NRXN1: variants seen among roughly 807,000 people sequenced by gnomAD.
NRXN1 encodes the protein neurexin 1.
Under a neutral mutation model 150.9 loss-of-function variants are expected in NRXN1, and 39 were observed. That is an observed-to-expected ratio of 0.26 (90% CI 0.20 to 0.34). NRXN1 has a LOEUF of 0.34. Among genes scored for constraint, NRXN1 ranks in the 10% least tolerant of loss-of-function variants. NRXN1 has a pLI of 1.00. For synonymous variants in NRXN1, 924 were observed against 757.0 expected (o/e 1.22, Z -3.62); for missense variants, 1,815 against 1,949.9 (o/e 0.93, Z 1.30).
At chr2:50,531,471 T>A in intron 10 of NRXN1, 41 bp from the exon 11 acceptor site, 3 of 1,463,592 alleles carry the variant, frequency 2.0e-6, no homozygotes, top group Non-Finnish European at 2.8e-6. Context: ...TTGGATGGTA[T>A]AGCGCATTAA....
intron 5 of NRXN1, among the ~76,000 whole-genome samples, chr2:50,803,163 C>T (rs1707848452): frequency 6.6e-6 from 1 of 152,152 alleles, no homozygotes; most frequent in Non-Finnish European, 1.5e-5. Context: ...ATCTGCCTAG[C>T]ACTCATTTCT....
At chr2:50,678,275 C>A (rs1166332612) in intron 5 of NRXN1, among the ~76,000 whole-genome samples, 1 of 152,148 alleles carries the variant, frequency 6.6e-6, no homozygotes, top group East Asian at 1.9e-4. Context: ...AACACGAATA[C>A]ACAAGGCTGT....
At chr2:50,290,680 G>GT (rs2072806281) in intron 17 of NRXN1, among the ~76,000 whole-genome samples, 1 of 152,186 alleles carries the variant, frequency 6.6e-6, no homozygotes, top group Admixed American at 6.6e-5. Flanking sequence ...GGAGGGGGCT[G>GT]TTCTGTGGGT....
chr2:50,953,262 A>G (rs2104609498), intron 2 of NRXN1, among the ~76,000 whole-genome samples: 1 of 152,344 alleles, frequency 6.6e-6, no homozygotes, highest in Admixed American at 6.5e-5. Context: ...TCTGAGTCAC[A>G]CTTTCCTAAC....
intron 5 of NRXN1, among the ~76,000 whole-genome samples, chr2:50,672,752 T>C (rs548781768): frequency 6.6e-6 from 1 of 152,170 alleles, no homozygotes; most frequent in Admixed American, 6.6e-5. Context: ...TAAAGAAAAC[T>C]GATTATTTTG....
At chr2:50,182,677 C>T (rs937143346) in intron 18 of NRXN1, among the ~76,000 whole-genome samples, 2 of 151,960 alleles carry the variant, frequency 1.3e-5, no homozygotes, top group Non-Finnish European at 2.9e-5. Flanking sequence ...CCATCCTCTA[C>T]AATGCTGGAA....
chr2:50,789,488 A>G (rs1279015668), intron 5 of NRXN1, among the ~76,000 whole-genome samples: 1 of 152,222 alleles, frequency 6.6e-6, no homozygotes, highest in Non-Finnish European at 1.5e-5. Context: ...TATAGTAGGA[A>G]AGAACACTCT....
chr2:50,165,585 G>A (rs1303542466), intron 18 of NRXN1, among the ~76,000 whole-genome samples: 1 of 152,120 alleles, frequency 6.6e-6, no homozygotes, highest in East Asian at 1.9e-4. Flanking sequence ...CTGACCTCAG[G>A]TGATACACCC....
chr2:50,802,410 T>G (rs1707720853), intron 5 of NRXN1, among the ~76,000 whole-genome samples: 1 of 151,930 alleles, frequency 6.6e-6, no homozygotes, highest in South Asian at 2.1e-4. Flanking sequence ...GAGAATCACT[T>G]GCACCCTGGA....
At chr2:50,228,874 G>C (rs1395976527) in intron 18 of NRXN1, among the ~76,000 whole-genome samples, 1 of 151,962 alleles carries the variant, frequency 6.6e-6, no homozygotes, top group Non-Finnish European at 1.5e-5. Context: ...GCTGTGCTCT[G>C]TTGGCAAAAA....
chr2:50,840,531 C>T (rs1181743420), intron 5 of NRXN1, among the ~76,000 whole-genome samples: 3 of 152,088 alleles, frequency 2.0e-5, no homozygotes, highest in East Asian at 1.9e-4. Flanking sequence ...AGGAAAAACA[C>T]GTCTCGGCTT....
intron 12 of NRXN1, among the ~76,000 whole-genome samples, chr2:50,517,773 G>A (rs894378274): frequency 6.6e-6 from 1 of 152,062 alleles, no homozygotes; most frequent in Admixed American, 6.6e-5. Flanking sequence ...AACTTACTGA[G>A]TATTTAATTA....
At position 50,563,269 on chromosome 2, in the gene NRXN1, T is replaced by A. The variant is rs1329779101; in HGVS notation, c.1321-10244A>T. Among the ~76,000 whole-genome samples the A allele has an allele frequency of 1.1e-4, 16 of 152,342 alleles. No individual in the cohort carries two copies. The East Asian group carries it at 3.1e-3, about 29-fold the overall frequency. ...AATTACATTCCTATTATTACAATTA[T>A]TTGCAAAGTTATAACGCATAAATGA... On this transcript the variant is annotated intron_variant, in intron 8 of 22. Transcript: ENST00000401669.
chr2:50,291,971 G>A (rs535868003), intron 17 of NRXN1, among the ~76,000 whole-genome samples: 2 of 152,220 alleles, frequency 1.3e-5, no homozygotes, highest in Admixed American at 1.3e-4. Context: ...CACCAGGACG[G>A]TAGATAACTC....
intron 2 of NRXN1, chr2:50,963,979 T>C (rs1473220878): frequency 4.5e-6 from 2 of 442,706 alleles, no homozygotes; most frequent in African/African-American, 2.0e-5. Flanking sequence ...TATGTCATTG[T>C]CCTTCTCTTT....
At chr2:50,309,850 T>TA (rs111323440) in intron 17 of NRXN1, among the ~76,000 whole-genome samples, 16,404 of 151,910 alleles carry the variant, frequency 0.11, 1,015 homozygotes, top group Non-Finnish European at 0.13. Context: ...GCAGAGAAAC[T>TA]AAAAAAAATG....
At chr2:50,173,420 T>C (rs1485351260) in intron 18 of NRXN1, among the ~76,000 whole-genome samples, 1 of 152,208 alleles carries the variant, frequency 6.6e-6, no homozygotes, top group Non-Finnish European at 1.5e-5. Flanking sequence ...AGAGTAGTGA[T>C]TAAACTGATG....
chr2:50,783,796 GC>G (rs1704686694), intron 5 of NRXN1, among the ~76,000 whole-genome samples: 1 of 152,020 alleles, frequency 6.6e-6, no homozygotes, highest in African/African-American at 2.4e-5. Context: ...TCCCCCAAAG[GC>G]ATATCCATAT....
At chr2:50,896,221 T>C (rs578018794) in intron 5 of NRXN1, among the ~76,000 whole-genome samples, 1 of 152,086 alleles carries the variant, frequency 6.6e-6, no homozygotes, top group Non-Finnish European at 1.5e-5. Flanking sequence ...CAACGCTACA[T>C]CTTCCAAGAA....
Sources: gnomAD v4.1 joint callset for allele counts (sites outside exome capture counted in the v4.1 genomes callset) on GRCh38, gnomAD v4.1.1 for gene constraint, MANE v1.5 for transcripts, NCBI Gene and HGNC (gene_info 2026-07-23, HGNC 2026-07-21) for gene names.